The following NRG2 variants were observed in gnomAD, a reference collection of about 807,000 sequenced individuals.
The protein encoded by NRG2 is pro-neuregulin-2, membrane-bound isoform.
Under a neutral mutation model 73.9 loss-of-function variants are expected in NRG2, and 27 were observed. The ratio of observed to expected loss-of-function variants is 0.37; its 90% confidence interval spans 0.27 to 0.50. The LOEUF is 0.50. Ranked by LOEUF, NRG2 falls within the 20% of genes least tolerant of loss-of-function variation. NRG2 has a pLI of 0.96. For missense variants in NRG2, 1,126 were observed against 1,210.1 expected (o/e 0.93, Z 1.03); for synonymous variants, 532 against 541.0 (o/e 0.98, Z 0.23).
At chr5:139,874,248 A>G (rs570193736) in intron 3 of NRG2, among the ~76,000 whole-genome samples, 1 of 152,238 alleles carries the variant, frequency 6.6e-6, no homozygotes, top group African/African-American at 2.4e-5. Context: ...ATCTCTCACT[A>G]TGGTTGCCCG....
chr5:139,976,873 T>C (rs1364880038), intron 1 of NRG2, among the ~76,000 whole-genome samples: 4 of 152,196 alleles, frequency 2.6e-5, no homozygotes, highest in South Asian at 2.1e-4. Flanking sequence ...GAGCACTGCA[T>C]GGGAGTGAGA....
intron 3 of NRG2, among the ~76,000 whole-genome samples, chr5:139,876,352 C>T (rs759501668): frequency 3.9e-5 from 6 of 152,004 alleles, no homozygotes; most frequent in Non-Finnish European, 8.8e-5. Flanking sequence ...GGAGTGGCTG[C>T]TAAAGGGCAT....
intron 1 of NRG2, among the ~76,000 whole-genome samples, chr5:139,966,246 T>C (rs932481862): frequency 9.9e-5 from 15 of 152,154 alleles, no homozygotes; most frequent in Admixed American, 4.6e-4. Context: ...AGGAAGTTCT[T>C]CAAGGAAGGC....
At chr5:139,913,100 C>T (rs972382692) in intron 1 of NRG2, among the ~76,000 whole-genome samples, 4 of 152,192 alleles carry the variant, frequency 2.6e-5, no homozygotes, top group African/African-American at 9.7e-5. Flanking sequence ...TGGGAAGTGG[C>T]ATGCACACAC....
intron 1 of NRG2, among the ~76,000 whole-genome samples, chr5:139,942,494 C>T (rs1418289005): frequency 1.3e-5 from 2 of 152,134 alleles, no homozygotes; most frequent in East Asian, 1.9e-4. Flanking sequence ...TATTCTCATC[C>T]GTAGTTATTC....
At chr5:139,863,559 G>T in intron 5 of NRG2, among the ~76,000 whole-genome samples, 1 of 152,192 alleles carries the variant, frequency 6.6e-6, no homozygotes, top group Non-Finnish European at 1.5e-5. Flanking sequence ...TCTGATTCAG[G>T]ACAGGCTGGG....
chr5:139,850,629 T>A (rs988889325), intron 9 of NRG2, among the ~76,000 whole-genome samples: 3 of 152,192 alleles, frequency 2.0e-5, no homozygotes, highest in African/African-American at 7.2e-5. Flanking sequence ...CATCTTTCCC[T>A]GCTCACCTCC....
At chr5:139,985,829 C>G (rs1373737720) in intron 1 of NRG2, among the ~76,000 whole-genome samples, 1 of 152,152 alleles carries the variant, frequency 6.6e-6, no homozygotes, top group East Asian at 1.9e-4. Context: ...ATCAGCTCCT[C>G]TCTGAGAGGT....
intron 1 of NRG2, among the ~76,000 whole-genome samples, chr5:139,966,002 T>C (rs1444916997): frequency 6.6e-6 from 1 of 152,182 alleles, no homozygotes; most frequent in Admixed American, 6.5e-5. Context: ...GCTTACTTAT[T>C]ATTTGTTTCC....
At chr5:140,041,401 C>A (rs1761906647) in intron 1 of NRG2, among the ~76,000 whole-genome samples, 2 of 152,068 alleles carry the variant, frequency 1.3e-5, no homozygotes, top group Non-Finnish European at 2.9e-5. Context: ...GATTCAGGGA[C>A]AAGAAGAAAA....
At chr5:139,910,776 G>A (rs1258322298) in intron 1 of NRG2, among the ~76,000 whole-genome samples, 1 of 152,156 alleles carries the variant, frequency 6.6e-6, no homozygotes, top group African/African-American at 2.4e-5. Context: ...GAGCTGCCAT[G>A]GTGGGCACCT....
chr5:139,964,703 G>A (rs1580831648), intron 1 of NRG2, among the ~76,000 whole-genome samples: 1 of 152,334 alleles, frequency 6.6e-6, no homozygotes, highest in East Asian at 1.9e-4. Context: ...AAAGCTGACA[G>A]GGCCTCTACT....
At chr5:140,042,337 C>T in intron 1 of NRG2, 33 bp downstream of exon 1, 1 of 1,469,620 alleles carries the variant, frequency 6.8e-7, no homozygotes, top group Non-Finnish European at 9.1e-7. Flanking sequence ...CGCCCCTCCC[C>T]CCTTTCTCCA....
At chr5:139,992,780 C>G (rs1056838378) in intron 1 of NRG2, among the ~76,000 whole-genome samples, 1 of 152,236 alleles carries the variant, frequency 6.6e-6, no homozygotes, top group Non-Finnish European at 1.5e-5. Context: ...AAAAGCCTCA[C>G]GTGTGTCCCT....
chr5:139,860,172 A>G (rs1762061101), intron 5 of NRG2, among the ~76,000 whole-genome samples: 1 of 152,060 alleles, frequency 6.6e-6, no homozygotes, highest in African/African-American at 2.4e-5. Context: ...CTCTTTAGAG[A>G]TGAGCTGTGG....
chr5:139,966,499 A>T (rs1310294963), intron 1 of NRG2, among the ~76,000 whole-genome samples: 3 of 152,168 alleles, frequency 2.0e-5, no homozygotes, highest in Non-Finnish European at 4.4e-5. Context: ...TACTCTTGGG[A>T]GCTGGGAAGC....
chr5:139,851,686 T>G lies in NRG2; in HGVS notation c.1690A>C (p.Asn564His). The part of the protein sequence containing the change: ...EARARRAAAY[N>H]LEERRRATAP... The stretch of plus-strand genomic sequence containing the variant: ...GTGGCCCTGCGCCGCTCCTCCAGGT[T>G]GTAGGCTGCTGCCCGCCTTGCCCGG... The change falls in exon 9 of 10, where the codon AAC becomes CAC. Residue 564 changes from asparagine (N) to histidine (H), a missense_variant. This residue lies in a region of NRG2 where 539 missense variants were observed against 703.2 expected (regional missense o/e 0.77). Transcript: ENST00000361474. The surrounding 1 kb of genome is among the most constrained non-coding windows in gnomAD (Gnocchi z 4.2). The G allele has an allele frequency of 6.2e-7, 1 of 1,614,134 alleles. No individual in the cohort carries two copies.
At chr5:139,918,517 C>T (rs953332807) in intron 1 of NRG2, among the ~76,000 whole-genome samples, 2 of 152,052 alleles carry the variant, frequency 1.3e-5, no homozygotes, top group Non-Finnish European at 2.9e-5. Flanking sequence ...AGATAGGGAG[C>T]GCATTACCAT....
chr5:140,001,160 T>C (rs62383915), intron 1 of NRG2, among the ~76,000 whole-genome samples: 17,066 of 152,204 alleles, frequency 0.11, 1,044 homozygotes, highest in African/African-American at 0.13. Context: ...TCCATACCAT[T>C]TATTAGCACT....
Sources: allele counts gnomAD v4.1 joint callset (sites outside exome capture counted in the v4.1 genomes callset), GRCh38; gene constraint gnomAD v4.1.1; regional missense constraint gnomAD v4.1.1; non-coding constraint Gnocchi (gnomAD v3.1); transcripts MANE v1.5; gene names NCBI Gene and HGNC (gene_info 2026-07-23, HGNC 2026-07-21).